Variants in SLC6A13 observed in about 807,000 individuals in gnomAD.
The protein encoded by SLC6A13 is sodium- and chloride-dependent GABA transporter 2.
SLC6A13 carries 69 observed loss-of-function variants against 72.9 expected under a neutral mutation model. The observed-to-expected ratio is 0.95, with a 90% CI of 0.78 to 1.16. The LOEUF (loss-of-function observed/expected upper bound fraction) is 1.16. Ranked by LOEUF, SLC6A13 falls within the 50% of genes most tolerant of loss-of-function variation. The pLI is 0.00. For synonymous variants in SLC6A13, 303 were observed against 303.0 expected, an observed-to-expected ratio of 1.00 and a Z score of 0.00; for missense variants, 735 against 760.5, an observed-to-expected ratio of 0.97 and a Z score of 0.39.
rs185128077 is a variant in SLC6A13 at position 230,725 on chromosome 12, C to T, written c.832-3057G>A. Reference sequence around the variant, plus strand: ...TCCCCCACATGCTGGTTTTGTGATTCGGGGCAAGTTTCTTAAGTTTCCTAA... The same window carrying T: ...TCCCCCACATGCTGGTTTTGTGATTTGGGGCAAGTTTCTTAAGTTTCCTAA... On this transcript the variant is annotated intron_variant, in intron 7 of 14. Transcript: ENST00000343164. 8.5e-5 allele frequency among the ~76,000 whole-genome samples: 13 copies of T among 152,208 alleles called. No individual in the cohort carries two copies. The East Asian group carries it at 9.6e-4, about 11-fold the overall frequency.
intron 7 of SLC6A13, among the ~76,000 whole-genome samples, chr12:232,901 G>C (rs1231253949): frequency 1.3e-5 from 2 of 152,250 alleles, no homozygotes; most frequent in Non-Finnish European, 2.9e-5. Context: ...GGACAGTTTG[G>C]CTTCCGGATA....
chr12:223,905 G>A lies in SLC6A13; in HGVS notation c.1311+87C>T, dbSNP rs537509029. On this transcript the variant is annotated intron_variant, in intron 11 of 14. Coordinates refer to ENST00000343164, the MANE Select transcript of SLC6A13 (RefSeq NM_016615.5). ...GAAGCCCAGAAGACCTGCCCTGACC[G>A]GGAGCCAGGGTATCTGCCTCACTGA... is the stretch of plus-strand genomic sequence containing the variant. 1.6e-4 allele frequency: 232 copies of A among 1,488,266 alleles called. 1 individual carries two copies. Among genetic ancestry groups the A allele is most frequent in the South Asian group, 1.4e-3 (123 of 86,590 alleles). The allele number at this position is 1,488,266 out of a possible 1,614,324, so 92.2% of individuals were successfully genotyped here.
At chr12:234,339 A>C (rs4980868) in intron 7 of SLC6A13, among the ~76,000 whole-genome samples, 8,843 of 152,248 alleles carry the variant, frequency 0.058, 647 homozygotes, top group East Asian at 0.31. Flanking sequence ...AGTTATGGGA[A>C]TTGCCCACAC....
chr12:222,768 T>C, intron 12 of SLC6A13, 136 bp from the exon 13 acceptor site: 1 of 603,894 alleles, frequency 1.7e-6, no homozygotes, highest in Non-Finnish European at 2.9e-6. Context: ...GTTCAAGTCG[T>C]TGCTGGGAAA....
At chr12:244,616 G>A (rs1200192001) in intron 2 of SLC6A13, among the ~76,000 whole-genome samples, 1 of 152,086 alleles carries the variant, frequency 6.6e-6, no homozygotes, top group Non-Finnish European at 1.5e-5. Flanking sequence ...ATTAAACCTG[G>A]GAGTTCGAGG....
intron 7 of SLC6A13, 113 bp from the exon 8 acceptor site, chr12:227,781 C>T: frequency 1.1e-6 from 1 of 884,660 alleles, no homozygotes. Flanking sequence ...TGGCGAGAAA[C>T]CTGTTCTCAG....
intron 9 of SLC6A13, among the ~76,000 whole-genome samples, chr12:224,764 G>A (rs1941369607): frequency 6.6e-6 from 1 of 152,106 alleles, no homozygotes; most frequent in Non-Finnish European, 1.5e-5. Context: ...AGGTGTAGAG[G>A]GCTGTGGGTC....
chr12:239,799 A>AC (rs1236848212), intron 4 of SLC6A13, among the ~76,000 whole-genome samples: 2 of 152,048 alleles, frequency 1.3e-5, no homozygotes, highest in African/African-American at 4.8e-5. Flanking sequence ...TCTCCACTAA[A>AC]CCATTCACTT....
chr12:223,867 G>T, intron 11 of SLC6A13, 125 bp downstream of exon 11: 1 of 1,061,678 alleles, frequency 9.4e-7, no homozygotes, highest in South Asian at 1.4e-5. Context: ...AAAAGAGGGA[G>T]TCCTAGTGTC....
chr12:262,742 G>C (rs935038588), intron 1 of SLC6A13, 47 bp downstream of exon 1: 1 of 974,114 alleles, frequency 1.0e-6, no homozygotes, highest in African/African-American at 1.8e-5. Flanking sequence ...CCAACCTGCA[G>C]TCTGAGACGC....
chr12:248,565 G>T lies in SLC6A13; in HGVS notation c.203-4752C>A, dbSNP rs373717678. On this transcript the variant is annotated intron_variant, in intron 2 of 14. Transcript: ENST00000343164. ...ATTAAAGGGTCAATTAATCAAGAGG[G>T]TCAATTAATCAATCAGTATTTCAAG... Among the ~76,000 whole-genome samples, 3 of 152,098 alleles carry T rather than the reference G, an allele frequency of 2.0e-5. No homozygotes were observed. In the East Asian group the frequency reaches 5.8e-4, roughly 29 times the overall value.
chr12:227,256 G>T (rs1941497842), intron 8 of SLC6A13, among the ~76,000 whole-genome samples: 3 of 152,062 alleles, frequency 2.0e-5, no homozygotes, highest in African/African-American at 7.2e-5. Flanking sequence ...AAAGACCTGT[G>T]GTGCTTCTCA....
chr12:244,931 T>C (rs1942296231), intron 2 of SLC6A13, among the ~76,000 whole-genome samples: 2 of 152,212 alleles, frequency 1.3e-5, no homozygotes, highest in African/African-American at 4.8e-5. Context: ...CTCCTTCTGT[T>C]TTTATAAGCA....
chr12:237,876 C>A, intron 5 of SLC6A13, 50 bp downstream of exon 5: 1 of 1,367,634 alleles, frequency 7.3e-7, no homozygotes, highest in South Asian at 1.2e-5. Context: ...CTCCCCATAC[C>A]CTTCTTCTGA....
intron 2 of SLC6A13, among the ~76,000 whole-genome samples, chr12:244,946 C>T (rs1044838048): frequency 6.6e-6 from 1 of 152,144 alleles, no homozygotes; most frequent in African/African-American, 2.4e-5. Context: ...TAAGCATTGG[C>T]GGAGACAAGA....
At chr12:255,478 C>A (rs2137318832) in intron 2 of SLC6A13, among the ~76,000 whole-genome samples, 1 of 152,050 alleles carries the variant, frequency 6.6e-6, no homozygotes, top group Non-Finnish European at 1.5e-5. Flanking sequence ...GGCAGATCAC[C>A]TGAAGTCAGG....
intron 9 of SLC6A13, among the ~76,000 whole-genome samples, chr12:226,171 G>A (rs1941444130): frequency 6.6e-6 from 1 of 152,170 alleles, no homozygotes; most frequent in South Asian, 2.1e-4. Context: ...GTAATGAACT[G>A]GAAGCCAAGG....
chr12:235,315 T>C (rs964710722), intron 6 of SLC6A13, 91 bp from the exon 7 acceptor site: 2 of 1,296,836 alleles, frequency 1.5e-6, no homozygotes, highest in African/African-American at 1.5e-5. Flanking sequence ...CAAGAGCTCC[T>C]CAGAAAAGGT....
chr12:245,333 T>C (rs750788957), intron 2 of SLC6A13, among the ~76,000 whole-genome samples: 1 of 152,092 alleles, frequency 6.6e-6, no homozygotes, highest in African/African-American at 2.4e-5. Flanking sequence ...AAGCAAGATA[T>C]AAAAAGAGCA....
Sources: gnomAD v4.1 joint callset for allele counts (sites outside exome capture counted in the v4.1 genomes callset) on GRCh38, gnomAD v4.1.1 for gene constraint, MANE v1.5 for transcripts, NCBI Gene and HGNC (gene_info 2026-07-23, HGNC 2026-07-21) for gene names.